The following TENM2 variants were observed in gnomAD, a reference collection of about 807,000 sequenced individuals.
TENM2 encodes the protein teneurin-2.
In TENM2, 52 loss-of-function variants were observed where a neutral mutation model predicts 245.2. That is an observed-to-expected ratio of 0.21 (90% CI 0.17 to 0.27). TENM2 has a LOEUF of 0.27. TENM2 is among the 10% of genes least tolerant of loss of function. The probability of loss-of-function intolerance (pLI) is 1.00; values close to 1 mark genes in which losing one functional copy is unlikely to be tolerated. For missense variants in TENM2, 3,046 were observed against 3,666.8 expected (o/e 0.83, Z 4.37); for synonymous variants, 1,363 against 1,438.9 (o/e 0.95, Z 1.19).
chr5:167,322,716 C>T (rs1946229), intron 1 of TENM2, among the ~76,000 whole-genome samples: 81,176 of 151,994 alleles, frequency 0.53, 22,192 homozygotes, highest in Admixed American at 0.62. Context: ...TTTCCTTTTA[C>T]GTACTTAACC....
chr5:167,290,246 G>A (rs1372859971), intron 1 of TENM2, among the ~76,000 whole-genome samples: 1 of 152,132 alleles, frequency 6.6e-6, no homozygotes, highest in Non-Finnish European at 1.5e-5. Flanking sequence ...GTTCAACTTT[G>A]TCCATATCCC....
the TENM2 span, among the ~76,000 whole-genome samples, chr5:167,096,797 A>G: frequency 1.3e-5 from 2 of 152,328 alleles, no homozygotes; most frequent in Admixed American, 6.5e-5. Flanking sequence ...AATGATACTA[A>G]CAGATAGAGG....
the TENM2 span, among the ~76,000 whole-genome samples, chr5:167,134,608 G>C: frequency 1.3e-5 from 2 of 152,164 alleles, no homozygotes; most frequent in Non-Finnish European, 2.9e-5. Context: ...CGCTGAGCCT[G>C]GTTTGGTCGG....
At chr5:167,495,030 C>A (rs1562001519) in intron 2 of TENM2, among the ~76,000 whole-genome samples, 1 of 151,938 alleles carries the variant, frequency 6.6e-6, no homozygotes, top group Non-Finnish European at 1.5e-5. Flanking sequence ...AATGGTGGAA[C>A]TTTTTAATAT....
At chr5:167,861,855 G>A (rs1771844218) in intron 2 of TENM2, among the ~76,000 whole-genome samples, 1 of 152,186 alleles carries the variant, frequency 6.6e-6, no homozygotes, top group Admixed American at 6.6e-5. Flanking sequence ...ATTTGAAACA[G>A]GGCTTACTCT....
At chr5:167,993,313 G>A (rs1783810177) in intron 5 of TENM2, 131 bp downstream of exon 7, 1 of 685,320 alleles carries the variant, frequency 1.5e-6, no homozygotes, top group Non-Finnish European at 2.4e-6. Context: ...ATGTGATAAT[G>A]AGTGATGGAT....
intron 2 of TENM2, among the ~76,000 whole-genome samples, chr5:167,755,635 T>A (rs1315182019): frequency 2.6e-5 from 4 of 152,196 alleles, no homozygotes; most frequent in Admixed American, 1.3e-4. Flanking sequence ...CTCTGTGTAC[T>A]AATGAAAACG....
chr5:168,007,587 G>A (rs1457305426), intron 5 of TENM2, among the ~76,000 whole-genome samples: 2 of 152,126 alleles, frequency 1.3e-5, no homozygotes, highest in East Asian at 1.9e-4. Flanking sequence ...AGTATAGAAG[G>A]GCACTCAACA....
intron 1 of TENM2, among the ~76,000 whole-genome samples, chr5:167,340,749 C>T (rs1758046197): frequency 6.6e-6 from 1 of 152,282 alleles, no homozygotes; most frequent in East Asian, 1.9e-4. Context: ...TTATTTGGTG[C>T]ACGTAAAAGA....
intron 2 of TENM2, among the ~76,000 whole-genome samples, chr5:167,626,392 TA>T (rs1388834894): frequency 2.0e-5 from 3 of 152,184 alleles, no homozygotes; most frequent in Non-Finnish European, 4.4e-5. Context: ...TTAATAGAAC[TA>T]AAACCATTGA....
At chr5:168,057,333 TCACTCA>T (rs1197578922) in intron 6 of TENM2, among the ~76,000 whole-genome samples, 1 of 127,658 alleles carries the variant, frequency 7.8e-6, no homozygotes, top group Non-Finnish European at 1.7e-5. Context: ...ACACACACAC[TCACTCA>T]CACTCACACT....
chr5:167,522,698 T>G (rs2127583252), intron 2 of TENM2, among the ~76,000 whole-genome samples: 1 of 152,210 alleles, frequency 6.6e-6, no homozygotes, highest in Admixed American at 6.5e-5. Context: ...GAATCTCAAC[T>G]AGATTCATCT....
intron 12 of TENM2, among the ~76,000 whole-genome samples, chr5:168,141,466 G>C (rs138879050): frequency 6.6e-6 from 1 of 152,294 alleles, no homozygotes; most frequent in African/African-American, 2.4e-5. Flanking sequence ...ATATCTACCA[G>C]CTTCCCATCT....
At chr5:167,066,747 GAAAATGAGCCACGTACATCCCTC>G in the TENM2 span, among the ~76,000 whole-genome samples, 15 of 152,068 alleles carry the variant, frequency 9.9e-5, no homozygotes, top group African/African-American at 3.4e-4. Flanking sequence ...CAAATTTCCT[GAAAATGAGCCACGTACATCCCTC>G]AAAATAAAGA....
intron 2 of TENM2, among the ~76,000 whole-genome samples, chr5:167,577,633 C>T (rs1241810191): frequency 6.6e-6 from 1 of 151,592 alleles, no homozygotes; most frequent in African/African-American, 2.4e-5. Context: ...CTTCTTCTGT[C>T]TTTAAATAAG....
intron 2 of TENM2, among the ~76,000 whole-genome samples, chr5:167,459,831 C>T (rs901125375): frequency 6.6e-6 from 1 of 151,882 alleles, no homozygotes; most frequent in Non-Finnish European, 1.5e-5. Flanking sequence ...TATTTGCTTA[C>T]TTCTTATTTA....
At chr5:167,397,843 C>T (rs1235035410) in intron 2 of TENM2, among the ~76,000 whole-genome samples, 1 of 152,164 alleles carries the variant, frequency 6.6e-6, no homozygotes, top group Non-Finnish European at 1.5e-5. Context: ...GAATCATTTT[C>T]TCTAGAATCC....
the TENM2 span, among the ~76,000 whole-genome samples, chr5:167,237,835 A>G: frequency 6.6e-6 from 1 of 151,822 alleles, no homozygotes; most frequent in Non-Finnish European, 1.5e-5. Context: ...AGATGGTGAA[A>G]CCCCTTCTCT....
intron 2 of TENM2, among the ~76,000 whole-genome samples, chr5:167,600,090 ATTTATAGG>A (rs1776534881): frequency 6.6e-6 from 1 of 151,616 alleles, no homozygotes. Flanking sequence ...AGTTTGCTTC[ATTTATAGG>A]ATACGTGGAA....
Sources: gnomAD v4.1 joint callset for allele counts (sites outside exome capture counted in the v4.1 genomes callset) on GRCh38, gnomAD v4.1.1 for gene constraint, MANE v1.5 for transcripts, NCBI Gene and HGNC (gene_info 2026-07-23, HGNC 2026-07-21) for gene names.